Variants in PAX4 observed in about 807,000 individuals in gnomAD.
PAX4 encodes the protein paired box 4, also known as paired box protein Pax-4.
In PAX4, 33 loss-of-function variants were observed where a neutral mutation model predicts 40.6. The ratio of observed to expected loss-of-function variants is 0.81; its 90% confidence interval spans 0.62 to 1.09. The LOEUF (loss-of-function observed/expected upper bound fraction) is 1.09. PAX4 is among the 50% of genes least tolerant of loss of function. The pLI, the probability that PAX4 is intolerant of heterozygous loss-of-function variation, is 0.00. For missense variants in PAX4, 459 were observed against 442.5 expected, an observed-to-expected ratio of 1.04 and a Z score of -0.33; for synonymous variants, 174 against 170.6, an observed-to-expected ratio of 1.02 and a Z score of -0.16.
chr7:127,611,702 C>T lies in PAX4; in HGVS notation c.772-26G>A, dbSNP rs367777575. 8.1e-6 allele frequency: 13 copies of T among 1,606,340 alleles called. No homozygotes were observed. In the African/African-American group the frequency reaches 1.1e-4, roughly 13 times the overall value. ...CTAAAAAAAAAAAGCAAGAGAAGAACCTTAGCTTCCAGTGATGCCTCCTGT... is the reference window on the plus strand; with the variant it reads ...CTAAAAAAAAAAAGCAAGAGAAGAATCTTAGCTTCCAGTGATGCCTCCTGT... On this transcript the variant is annotated intron_variant, in intron 10 of 11. Transcript: ENST00000639438.
chr7:127,612,454 CATGA>C (rs1794644508), intron 9 of PAX4, among the ~76,000 whole-genome samples: 1 of 142,128 alleles, frequency 7.0e-6, no homozygotes, highest in African/African-American at 2.7e-5. Context: ...TGGATGGATG[CATGA>C]ATGAATGGGT....
rs764742580 is a variant in PAX4, at chr7:127,611,194, G to A, written c.926C>T (p.Pro309Leu). The A allele has an allele frequency of 1.1e-5, 17 of 1,599,850 alleles. No individual in the cohort carries two copies. The highest frequency in any genetic ancestry group is 1.4e-5 in the Non-Finnish European group (17 of 1,173,452). Residue 309 changes from proline (P) to leucine (L), a missense_variant, in exon 12 of 12, where the codon CCA becomes CTA. Coordinates refer to ENST00000639438, the MANE Select transcript of PAX4 (RefSeq NM_001366110.1). ...TCCTGAGTCCAGGGAATTCGGCTGTGGGGGCAAGTGGCCTGTGGGGACAAA... is the reference window on the plus strand; with the variant it reads ...TCCTGAGTCCAGGGAATTCGGCTGTAGGGGCAAGTGGCCTGTGGGGACAAA... ...CLKPCWGHLP[P>L]QPNSLDSGLL... is the part of the protein sequence containing the mutation.
chr7:127,611,226 G>C lies in PAX4; in HGVS notation c.914-20C>G. 1.3e-6 allele frequency: 2 copies of C among 1,578,792 alleles called. No individual in the cohort carries two copies. The highest frequency in any genetic ancestry group is 1.7e-6 in the Non-Finnish European group (2 of 1,160,400). The stretch of plus-strand genomic sequence containing the variant: ...AGTGGCCTGTGGGGACAAATAGAGA[G>C]AGCTTGGGGTTATTGCTCCCACCCC... On this transcript the variant is annotated intron_variant, in intron 11 of 11. Transcript: ENST00000639438.
intron 10 of PAX4, 34 bp from the exon 11 acceptor site, chr7:127,611,710 T>C (rs779103801): frequency 6.2e-7 from 1 of 1,605,128 alleles, no homozygotes; most frequent in Non-Finnish European, 8.5e-7. Context: ...AACCTTAGCT[T>C]CCAGTGATGC....
intron 9 of PAX4, among the ~76,000 whole-genome samples, chr7:127,612,352 T>C (rs1363358366): frequency 1.3e-5 from 2 of 151,962 alleles, no homozygotes; most frequent in African/African-American, 4.8e-5. Flanking sequence ...GAAAGATGGA[T>C]GGATGGATGG....
chr7:127,617,500 CT>C (rs1163888830), intron 1 of PAX4, 100 bp from the exon 2 acceptor site: 4 of 151,580 alleles, frequency 2.6e-5, no homozygotes, highest in African/African-American at 9.7e-5. Context: ...GCTCCCACCC[CT>C]GTTTCATGTT....
chr7:127,612,296 C>A (rs1387788276), intron 9 of PAX4, among the ~76,000 whole-genome samples: 2 of 152,140 alleles, frequency 1.3e-5, no homozygotes, highest in Non-Finnish European at 2.9e-5. Flanking sequence ...TGGGGAGATG[C>A]TGAGTAAATA....
At position 127,613,038 on chromosome 7, in the gene PAX4, C is replaced by T; in HGVS notation, c.699G>A (p.Trp233Ter). 6.2e-7 allele frequency: 1 copy of T among 1,613,024 alleles called. No individual in the cohort carries two copies. The highest frequency in any genetic ancestry group is 2.2e-5 in the East Asian group (1 of 44,886). Residue 233 changes from tryptophan (W) to a stop codon, truncating the protein, a stop_gained, in exon 9 of 12, where the codon TGG becomes TGA. Transcript: ENST00000639438. LOFTEE classifies it high-confidence loss of function. ...AKWRRQEKLK[W>*]EMQLPGASQG... is the part of the protein sequence containing the mutation. ...AGAAATCACCTGGCAGCTGCATTTC[C>T]CACTTGAGCTTCTCTTGCCGACGCC...
chr7:127,615,464 C>G lies in PAX4; in HGVS notation c.81G>C (p.Arg27=). The change falls in exon 4 of 12, where the codon CGG becomes CGC. Residue 27 remains arginine, a synonymous_variant. Transcript: ENST00000639438. ...VNGRPLPLDT[R]QQIVRLAVSG... Reference sequence around the variant, plus strand: ...TGACTGCTAGCCGCACAATCTGCTGCCGGGTATCCAGAGGCAGGGGCCGGC... The same window carrying G: ...TGACTGCTAGCCGCACAATCTGCTGGCGGGTATCCAGAGGCAGGGGCCGGC... The G allele has an allele frequency of 6.2e-7, 1 of 1,614,228 alleles. No individual in the cohort carries two copies. The highest frequency in any genetic ancestry group is 8.5e-7 in the Non-Finnish European group (1 of 1,180,044).
chr7:127,614,981 G>C lies in PAX4; in HGVS notation c.259C>G (p.Arg87Gly), dbSNP rs1221402221. ...PRLATPPVVA[R>G]IAQLKGECPA... ...CACTCACCCTTCAGCTGGGCAATTCGAGCCACCACAGGGGGTGTAGCCAGC... is the reference window on the plus strand; with the variant it reads ...CACTCACCCTTCAGCTGGGCAATTCCAGCCACCACAGGGGGTGTAGCCAGC... The change falls in exon 5 of 12, where the codon CGA becomes GGA. Residue 87 changes from arginine to glycine, a missense_variant. By Grantham distance (125) the Arg-to-Gly change is moderately radical. Coordinates refer to ENST00000639438, the MANE Select transcript of PAX4 (RefSeq NM_001366110.1). 6.2e-7 allele frequency: 1 copy of C among 1,614,156 alleles called. No homozygotes were observed. The highest frequency in any genetic ancestry group is 8.5e-7 in the Non-Finnish European group (1 of 1,180,032).
intron 4 of PAX4, 117 bp from the exon 5 acceptor site, chr7:127,615,212 A>T: frequency 6.3e-7 from 1 of 1,597,216 alleles, no homozygotes; most frequent in Non-Finnish European, 8.5e-7. Context: ...CAGGCCATGA[A>T]GTCGGGAGTC....
chr7:127,611,839 C>CA, intron 10 of PAX4, 106 bp downstream of exon 10: 1 of 1,595,298 alleles, frequency 6.3e-7, no homozygotes, highest in East Asian at 2.3e-5. Flanking sequence ...GACATGAACA[C>CA]TGTGGGGCCC....
Position 127,613,076 on chromosome 7 carries a change from T to G in PAX4, c.661A>C (p.Arg221=), listed in dbSNP as rs769817009. Reference sequence around the variant, plus strand: ...TCTTGCCGACGCCATTTGGCTCTTCTGTTGGAAAACCAGACCTGAGCGAGG... The same window carrying G: ...TCTTGCCGACGCCATTTGGCTCTTCGGTTGGAAAACCAGACCTGAGCGAGG... ...EDTVRVWFSN[R]RAKWRRQEKL... The change falls in exon 9 of 12, where the codon AGA becomes CGA. Residue 221 remains arginine (R), a synonymous_variant. Coordinates refer to ENST00000639438, the MANE Select transcript of PAX4 (RefSeq NM_001366110.1). 1.2e-6 allele frequency: 2 copies of G among 1,613,640 alleles called. No homozygotes were observed. The highest frequency in any genetic ancestry group is 1.7e-6 in the Non-Finnish European group (2 of 1,179,976).
intron 5 of PAX4, 72 bp from the exon 6 acceptor site, chr7:127,614,629 T>G: frequency 3.0e-6 from 4 of 1,315,040 alleles, no homozygotes; most frequent in Non-Finnish European, 4.3e-6. Context: ...ATGTTGCCCT[T>G]AATATCCTTT....
chr7:127,611,088 G>A lies in PAX4; in HGVS notation c.1032C>T (p.Cys344=), dbSNP rs773372875. 2 of 1,607,130 alleles carry A rather than the reference G, an allele frequency of 1.2e-6. No homozygotes were observed. The highest frequency in any genetic ancestry group is 1.7e-6 in the Non-Finnish European group (2 of 1,176,158). The change falls in exon 12 of 12, where the codon TGC becomes TGT. Residue 344 remains cysteine (C), a synonymous_variant. Coordinates refer to ENST00000639438, the MANE Select transcript of PAX4 (RefSeq NM_001366110.1). ...SGSQALLWPG[C]PLLYGLE ...CTCATTCCAAGCCATACAGTAGTGG[G>A]CAGCCAGGCCAGAGCAGGGCCTGAG...
chr7:127,615,666 T>C (rs1221250555), intron 3 of PAX4, 135 bp from the exon 4 acceptor site: 4 of 1,564,164 alleles, frequency 2.6e-6, no homozygotes, highest in African/African-American at 1.4e-5. Context: ...GCATCCTTGC[T>C]GCCCCCAGGC....
In PAX4 at chr7:127,611,671, G is replaced by C. The variant is rs1317508996; in HGVS notation, c.777C>G (p.Ser259=). ...GGGCTGCTGTGGGCACACTGCCAGG[G>C]GACTGCTAAAAAAAAAAAGCAAGAG... ...VAPGIISAQQ[S]PGSVPTAALP... Residue 259 remains serine (S), a synonymous_variant, in exon 11 of 12, where the codon TCC becomes TCG. Coordinates refer to ENST00000639438, the MANE Select transcript of PAX4 (RefSeq NM_001366110.1). 2 of 1,610,792 alleles carry C rather than the reference G, an allele frequency of 1.2e-6. No homozygotes were observed. The highest frequency in any genetic ancestry group is 1.7e-6 in the Non-Finnish European group (2 of 1,179,888).
At position 127,617,410 on chromosome 7, in the gene PAX4, G is replaced by C. The variant is rs1308443285; in HGVS notation, c.-225-10C>G. ...TGCCACAAGTCAGGGGCTGTCCAGA[G>C]AGTAAAATTCAAGGTTTAGAAGCCA... On this transcript the variant is annotated splice_polypyrimidine_tract_variant and intron_variant, in intron 1 of 11. Transcript: ENST00000639438. 4.6e-5 allele frequency: 7 copies of C among 152,188 alleles called. No homozygotes were observed. Among genetic ancestry groups the C allele is most frequent in the African/African-American group, 1.7e-4 (7 of 41,446 alleles). The allele number at this position is 152,188 out of a possible 1,614,324, so 9.4% of individuals were successfully genotyped here. A position where few individuals can be genotyped will look rare whatever the true frequency, so the allele number is the denominator to read the frequency against.
In PAX4 at chr7:127,610,744, T is replaced by C; in HGVS notation, c.*320A>G. ...GATAGGGCAAATTGTCTATAATTGTTGAATATTAGAGTGGGCATAGGGGTG... is the reference window on the plus strand; with the variant it reads ...GATAGGGCAAATTGTCTATAATTGTCGAATATTAGAGTGGGCATAGGGGTG... On this transcript the variant is annotated 3_prime_UTR_variant, in exon 12 of 12. Transcript: ENST00000639438. The C allele has an allele frequency of 4.0e-6, 3 of 759,404 alleles. No homozygotes were observed. The highest frequency in any genetic ancestry group is 4.3e-6 in the Non-Finnish European group (2 of 465,374). The allele number at this position is 759,404 out of a possible 1,614,324, so 47.0% of individuals were successfully genotyped here.
Sources: allele counts gnomAD v4.1 joint callset (sites outside exome capture counted in the v4.1 genomes callset), GRCh38; gene constraint gnomAD v4.1.1; transcripts MANE v1.5; gene names NCBI Gene and HGNC (gene_info 2026-07-23, HGNC 2026-07-21).